The following LOXHD1 variants were observed in gnomAD, a reference collection of about 807,000 sequenced individuals.
LOXHD1 encodes the protein lipoxygenase homology PLAT domains 1.
In LOXHD1, 205 loss-of-function variants were observed where a neutral mutation model predicts 248.2. The observed-to-expected ratio is 0.83, with a 90% CI of 0.74 to 0.93. The LOEUF is 0.93. Among genes scored for constraint, LOXHD1 ranks in the 40% least tolerant of loss-of-function variants. LOXHD1 has a pLI of 0.00. For missense variants in LOXHD1, 2,930 were observed against 2,971.6 expected, an observed-to-expected ratio of 0.99 and a Z score of 0.33; for synonymous variants, 1,113 against 1,162.8, an observed-to-expected ratio of 0.96 and a Z score of 0.87.
chr18:46,531,063 C>A (rs1369439755), intron 28 of LOXHD1, among the ~76,000 whole-genome samples: 1 of 152,092 alleles, frequency 6.6e-6, no homozygotes, highest in African/African-American at 2.4e-5. Context: ...TCTCCTGCAA[C>A]CCCTGTCCCT....
At chr18:46,519,013 AG>A in intron 33 of LOXHD1, 1 of 985,478 alleles carries the variant, frequency 1.0e-6, no homozygotes, top group African/African-American at 1.7e-5. Context: ...TCTCCACTGG[AG>A]GGTGAGGCGC....
intron 37 of LOXHD1, among the ~76,000 whole-genome samples, chr18:46,499,630 G>A (rs937362654): frequency 1.3e-5 from 2 of 152,132 alleles, no homozygotes; most frequent in African/African-American, 4.8e-5. Context: ...AGTGAGGCTA[G>A]GTGAAAAAGA....
At chr18:46,565,866 G>C (rs1157973018) in intron 17 of LOXHD1, among the ~76,000 whole-genome samples, 1 of 151,856 alleles carries the variant, frequency 6.6e-6, no homozygotes, top group South Asian at 2.1e-4. Context: ...CCATGGATGT[G>C]GAGGGCTGAC....
chr18:46,507,609 G>T lies in LOXHD1; in HGVS notation c.5621C>A (p.Ala1874Asp), dbSNP rs1300218172. 1 of 1,551,734 alleles carries T rather than the reference G, an allele frequency of 6.4e-7. No homozygotes were observed. The highest frequency in any genetic ancestry group is 8.7e-7 in the Non-Finnish European group (1 of 1,147,010). Residue 1874 changes from alanine to aspartate, a missense_variant, in exon 36 of 41, where the codon GCC becomes GAC. Physicochemically the swap from Ala to Asp is moderately radical, Grantham distance 126. Transcript: ENST00000642948. ...GKKTLVCEMC[A>D]VIDEEEMMEW... ...CATCATTTCTTCCTCATCGATAACG[G>T]CACACATTTCACACACCAGGGTCTT...
chr18:46,585,414 G>C (rs534188471), intron 12 of LOXHD1, among the ~76,000 whole-genome samples: 5 of 152,216 alleles, frequency 3.3e-5, no homozygotes, highest in Non-Finnish European at 7.4e-5. Flanking sequence ...TAGTCTGAAA[G>C]TGAAATTAAG....
chr18:46,593,887 C>A (rs2038216883), intron 9 of LOXHD1, 127 bp from the exon 10 acceptor site: 4 of 937,456 alleles, frequency 4.3e-6, no homozygotes. Flanking sequence ...GTGTGTCCCA[C>A]TCTCAGAAAC....
At chr18:46,500,075 TC>T (rs758549630) in intron 37 of LOXHD1, among the ~76,000 whole-genome samples, 8 of 152,026 alleles carry the variant, frequency 5.3e-5, no homozygotes, top group Non-Finnish European at 1.2e-4. Context: ...TGGAGGTAAT[TC>T]CTTCCCCTTC....
intron 33 of LOXHD1, chr18:46,518,734 A>G (rs2035406712): frequency 3.5e-6 from 1 of 282,358 alleles, no homozygotes; most frequent in Non-Finnish European, 5.4e-6. Context: ...AGCTGCTGAC[A>G]ATTCGCATGG....
chr18:46,550,197 T>C (rs906124108), intron 21 of LOXHD1, among the ~76,000 whole-genome samples: 4 of 152,234 alleles, frequency 2.6e-5, no homozygotes, highest in Non-Finnish European at 5.9e-5. Context: ...TAGAGGCTCA[T>C]AGCTTTGGAT....
chr18:46,581,126 A>G, intron 12 of LOXHD1, among the ~76,000 whole-genome samples: 1 of 152,226 alleles, frequency 6.6e-6, no homozygotes. Flanking sequence ...AGAATTGATT[A>G]TATAGAAAGA....
At chr18:46,534,005 T>G (rs1175392047) in intron 27 of LOXHD1, among the ~76,000 whole-genome samples, 2 of 152,172 alleles carry the variant, frequency 1.3e-5, no homozygotes, top group African/African-American at 4.8e-5. Flanking sequence ...CTTCAGAATG[T>G]TTTTAAAGTT....
chr18:46,519,773 A>G (rs1208848425), intron 33 of LOXHD1, among the ~76,000 whole-genome samples: 1 of 152,160 alleles, frequency 6.6e-6, no homozygotes, highest in African/African-American at 2.4e-5. Flanking sequence ...ACACAGATAC[A>G]TCTCTTTTTA....
chr18:46,544,736 G>C (rs1423094093), intron 23 of LOXHD1: 1 of 453,374 alleles, frequency 2.2e-6, no homozygotes, highest in Non-Finnish European at 4.6e-6. Flanking sequence ...AAGCTTCAGA[G>C]TCTCCATGCT....
chr18:46,610,366 C>T (rs1228140662), intron 6 of LOXHD1, among the ~76,000 whole-genome samples: 1 of 144,892 alleles, frequency 6.9e-6, no homozygotes, highest in Non-Finnish European at 1.5e-5. Flanking sequence ...CACTTGGACA[C>T]AGGGCGGGGA....
chr18:46,559,114 T>C (rs2037450737), intron 20 of LOXHD1: 1 of 1,329,650 alleles, frequency 7.5e-7, no homozygotes, highest in Non-Finnish European at 9.9e-7. Context: ...CCCCTAGTTT[T>C]CCCCCAAGAC....
intron 28 of LOXHD1, among the ~76,000 whole-genome samples, chr18:46,530,145 G>A (rs2035999350): frequency 6.6e-6 from 1 of 152,152 alleles, no homozygotes; most frequent in African/African-American, 2.4e-5. Flanking sequence ...TGTCTTTGGA[G>A]ATTTTGAGTT....
intron 37 of LOXHD1, among the ~76,000 whole-genome samples, chr18:46,489,692 C>G (rs1440373694): frequency 1.3e-5 from 2 of 152,196 alleles, no homozygotes; most frequent in Non-Finnish European, 2.9e-5. Context: ...GCTCCTATAG[C>G]CCCCTGCATC....
At chr18:46,640,391 C>T (rs1343158324) in intron 3 of LOXHD1, among the ~76,000 whole-genome samples, 1 of 152,144 alleles carries the variant, frequency 6.6e-6, no homozygotes, top group Non-Finnish European at 1.5e-5. Flanking sequence ...ACCTGGACAA[C>T]AAGCAGATAC....
intron 31 of LOXHD1, 113 bp downstream of exon 31, chr18:46,524,353 G>T (rs2035720779): frequency 1.4e-6 from 2 of 1,386,646 alleles, no homozygotes; most frequent in Admixed American, 2.2e-5. Flanking sequence ...AAATGACTAA[G>T]TGTTAGATAT....
Sources: allele counts gnomAD v4.1 joint callset (sites outside exome capture counted in the v4.1 genomes callset), GRCh38; gene constraint gnomAD v4.1.1; transcripts MANE v1.5; gene names NCBI Gene and HGNC (gene_info 2026-07-23, HGNC 2026-07-21).